Variants in ZFHX3 observed in about 807,000 individuals in gnomAD.
ZFHX3 encodes the protein zinc finger homeobox protein 3.
Under a neutral mutation model 279.1 loss-of-function variants are expected in ZFHX3, and 42 were observed. The ratio of observed to expected loss-of-function variants is 0.15; its 90% confidence interval spans 0.12 to 0.19. ZFHX3 has a LOEUF of 0.19. ZFHX3 is among the 10% of genes least tolerant of loss of function. ZFHX3 has a pLI of 1.00. For missense variants in ZFHX3, 4,981 were observed against 4,754.0 expected (o/e 1.05, Z -1.40); for synonymous variants, 2,293 against 1,957.8 (o/e 1.17, Z -4.52).
At chr16:73,358,396 G>A (rs994508653) in intron 3 of ZFHX3, among the ~76,000 whole-genome samples, 1 of 152,222 alleles carries the variant, frequency 6.6e-6, no homozygotes, top group Non-Finnish European at 1.5e-5. Flanking sequence ...GCTACTGGCG[G>A]GAAACCGAGC....
intron 3 of ZFHX3, among the ~76,000 whole-genome samples, chr16:73,355,475 G>T (rs561203254): frequency 4.1e-4 from 63 of 152,302 alleles, no homozygotes; most frequent in African/African-American, 1.3e-3. Flanking sequence ...CAGGTGCCAT[G>T]GAGCTTTTTG....
intron 3 of ZFHX3, among the ~76,000 whole-genome samples, chr16:72,893,386 G>T (rs1260706483): frequency 6.6e-6 from 1 of 152,144 alleles, no homozygotes; most frequent in Non-Finnish European, 1.5e-5. Context: ...ATTCCAAATG[G>T]CTGGAGTCTT....
chr16:72,808,669 G>A (rs2036344361), intron 7 of ZFHX3, among the ~76,000 whole-genome samples: 1 of 152,166 alleles, frequency 6.6e-6, no homozygotes, highest in Non-Finnish European at 1.5e-5. Flanking sequence ...GCTGTGGAAA[G>A]ATGAGGAACA....
chr16:73,054,524 G>C (rs1356979434), intron 1 of ZFHX3, among the ~76,000 whole-genome samples: 5 of 147,646 alleles, frequency 3.4e-5, no homozygotes, highest in Non-Finnish European at 5.9e-5. Context: ...GAAGTTTATA[G>C]CTCAAGAGTT....
In ZFHX3 at chr16:73,113,851, G is replaced by T. The variant is rs1459222809; in HGVS notation, c.-897+17117C>A. 1.2e-4 allele frequency among the ~76,000 whole-genome samples: 16 copies of T among 138,126 alleles called. No homozygotes were observed. The Admixed American group carries it at 1.3e-3, about 11-fold the overall frequency. The allele number at this position is 138,126 out of a possible 152,430, so 90.6% of individuals were successfully genotyped here. A position where few individuals can be genotyped will look rare whatever the true frequency, so the allele number is the denominator to read the frequency against. ...GCTGTGTCACCCAGGCTGGAGTGCA[G>T]TGGCGCGATCTCTGCTTACTGCAAG... On this transcript the variant is annotated intron_variant, in intron 7 of 17. Transcript: ENST00000641206.
intron 2 of ZFHX3, among the ~76,000 whole-genome samples, chr16:73,520,717 A>C (rs1014737293): frequency 2.0e-5 from 3 of 152,242 alleles, no homozygotes; most frequent in African/African-American, 7.2e-5. Context: ...CTATGGTGTT[A>C]AATGCAAATT....
In ZFHX3 at chr16:73,170,222, A is replaced by AGTTTTTTTTTTT. The variant is rs1967486965; in HGVS notation, c.-1103-26403_-1103-26392dup. ...CTTTTTGAAGCATCTTCCTTTCACTAGTTTTTTTTTTTTTTTTTTTTTTTT... is the reference window on the plus strand; with the variant it reads ...CTTTTTGAAGCATCTTCCTTTCACTAGTTTTTTTTTTTGTTTTTTTTTTTTTTTTTTTTTTTT... On this transcript the variant is annotated intron_variant, in intron 5 of 17. Coordinates refer to the ZFHX3 transcript ENST00000641206. Among the ~76,000 whole-genome samples, 5 of 36,840 alleles carry AGTTTTTTTTTTT rather than the reference A, an allele frequency of 1.4e-4. 1 individual carries two copies. The highest frequency in any genetic ancestry group is 8.1e-4 in the South Asian group (1 of 1,242). The allele number at this position is 36,840 out of a possible 152,430, so 24.2% of individuals were successfully genotyped here. A position where few individuals can be genotyped will look rare whatever the true frequency, so the allele number is the denominator to read the frequency against.
chr16:73,078,989 G>A (rs986027037), intron 8 of ZFHX3, among the ~76,000 whole-genome samples: 3 of 152,052 alleles, frequency 2.0e-5, no homozygotes, highest in African/African-American at 7.2e-5. Context: ...CAACTTGCCT[G>A]TCACATTACC....
At chr16:73,497,955 TTA>T (rs1421824778) in intron 2 of ZFHX3, among the ~76,000 whole-genome samples, 1 of 152,254 alleles carries the variant, frequency 6.6e-6, no homozygotes, top group Non-Finnish European at 1.5e-5. Flanking sequence ...TCAACCTAAG[TTA>T]TAAATAATTT....
intron 3 of ZFHX3, among the ~76,000 whole-genome samples, chr16:73,349,612 T>TTCCTC (rs1567457424): frequency 1.8e-4 from 20 of 112,848 alleles, no homozygotes; most frequent in African/African-American, 1.0e-3. Context: ...CTCCCTTACT[T>TTCCTC]CCTCCCTCCC....
intron 2 of ZFHX3, among the ~76,000 whole-genome samples, chr16:73,599,949 C>T (rs542229346): frequency 6.6e-6 from 1 of 152,274 alleles, no homozygotes; most frequent in East Asian, 1.9e-4. Flanking sequence ...CAGCCTAAAG[C>T]TATTGATGAT....
At chr16:72,902,643 G>A (rs1297269874) in intron 3 of ZFHX3, among the ~76,000 whole-genome samples, 4 of 152,190 alleles carry the variant, frequency 2.6e-5, no homozygotes, top group African/African-American at 9.6e-5. Flanking sequence ...GCAGAGTGGA[G>A]GACACCAATT....
At chr16:72,805,138 C>G (rs1450785305) in intron 7 of ZFHX3, among the ~76,000 whole-genome samples, 1 of 151,980 alleles carries the variant, frequency 6.6e-6, no homozygotes, top group Non-Finnish European at 1.5e-5. Context: ...CCACCACGCC[C>G]AGCTATTTTT....
At chr16:73,009,494 T>C (rs1344181495) in intron 1 of ZFHX3, among the ~76,000 whole-genome samples, 2 of 152,020 alleles carry the variant, frequency 1.3e-5, no homozygotes, top group Non-Finnish European at 2.9e-5. Flanking sequence ...ACTCATTCCA[T>C]ATGGATGAAA....
chr16:72,882,370 A>G (rs570774598), intron 4 of ZFHX3, among the ~76,000 whole-genome samples: 1 of 152,306 alleles, frequency 6.6e-6, no homozygotes, highest in South Asian at 2.1e-4. Flanking sequence ...GCCACGTGTC[A>G]TATGCTGAAA....
rs185163471 is a variant in ZFHX3 at position 73,736,974 on chromosome 16, G to T, written c.-1607-56734C>A. Among the ~76,000 whole-genome samples the T allele has an allele frequency of 2.6e-5, 4 of 152,304 alleles. No homozygotes were observed. The East Asian group carries it at 7.7e-4, about 29-fold the overall frequency. On this transcript the variant is annotated intron_variant, in intron 1 of 17. Transcript: ENST00000641206. ...TGGAGAAGTGTGGGCAGGTGCATTG[G>T]CTGGGTTTGCAGCCAGCTATATTCA...
rs771473791 is a variant in ZFHX3, at chr16:72,795,005, C to T, written c.7677G>A (p.Gln2559=). ...TGTCCAAAAACTGGGGGTGGATGAA[C>T]TGGTTCTGCGCGCTCAGGAAGTGGA... is the stretch of plus-strand genomic sequence containing the variant. ...QQLHFLSAQN[Q]FIHPQFLDRS... The change falls in exon 9 of 10, where the codon CAG becomes CAA. Residue 2559 remains glutamine, a synonymous_variant. Coordinates refer to ENST00000268489, the MANE Select transcript of ZFHX3 (RefSeq NM_006885.4). 2 of 1,614,174 alleles carry T rather than the reference C, an allele frequency of 1.2e-6. No homozygotes were observed. The highest frequency in any genetic ancestry group is 1.1e-5 in the South Asian group (1 of 91,082).
intron 7 of ZFHX3, among the ~76,000 whole-genome samples, chr16:73,094,079 A>G (rs1966126867): frequency 6.6e-6 from 1 of 152,146 alleles, no homozygotes; most frequent in Non-Finnish European, 1.5e-5. Context: ...AACCCCCTAC[A>G]AATGCACACA....
chr16:72,798,138 T>C lies in ZFHX3; in HGVS notation c.4544A>G (p.Glu1515Gly). 1 of 1,614,218 alleles carries C rather than the reference T, an allele frequency of 6.2e-7. No individual in the cohort carries two copies. Among genetic ancestry groups the C allele is most frequent in the Non-Finnish European group, 8.5e-7 (1 of 1,180,034 alleles). ...PTGSDSGSVQEDSGSEPKRAL... is the reference protein window; with the variant it reads ...PTGSDSGSVQGDSGSEPKRAL... Reference sequence around the variant, plus strand: ...TCTCTTTGGCTCTGAGCCCGAGTCTTCTTGTACTGACCCAGAGTCACTGCC... The same window carrying C: ...TCTCTTTGGCTCTGAGCCCGAGTCTCCTTGTACTGACCCAGAGTCACTGCC... The change falls in exon 9 of 10, where the codon GAA becomes GGA. Residue 1515 changes from glutamate (E) to glycine (G), a missense_variant. Around this residue, in one of 7 missense-constraint regions of ZFHX3, gnomAD observed 1,751 missense variants for 1,770.0 expected, o/e 0.99. Transcript: ENST00000268489.
Sources: allele counts gnomAD v4.1 joint callset (sites outside exome capture counted in the v4.1 genomes callset), GRCh38; gene constraint gnomAD v4.1.1; regional missense constraint gnomAD v4.1.1; transcripts MANE v1.5; gene names NCBI Gene and HGNC (gene_info 2026-07-23, HGNC 2026-07-21).